Variants in FRMD6 observed in about 807,000 individuals in gnomAD.
The protein encoded by FRMD6 is FERM domain-containing protein 6.
Under a neutral mutation model 73.2 loss-of-function variants are expected in FRMD6, and 37 were observed. The observed-to-expected ratio is 0.51, with a 90% confidence interval of 0.39 to 0.66. The LOEUF (loss-of-function observed/expected upper bound fraction) is 0.66. Ranked by LOEUF, FRMD6 falls within the 30% of genes least tolerant of loss-of-function variation. The pLI is 0.00. For synonymous variants in FRMD6, 273 were observed against 282.2 expected (o/e 0.97, Z 0.33); for missense variants, 714 against 780.5 (o/e 0.91, Z 1.02).
At chr14:51,699,118 T>C (rs1211003422) in intron 3 of FRMD6, among the ~76,000 whole-genome samples, 2 of 152,080 alleles carry the variant, frequency 1.3e-5, no homozygotes, top group African/African-American at 2.4e-5. Flanking sequence ...CAGTATAAAG[T>C]TGGTCAGCTG....
the FRMD6 span, among the ~76,000 whole-genome samples, chr14:51,415,653 T>C: frequency 1.3e-5 from 2 of 152,236 alleles, no homozygotes; most frequent in African/African-American, 4.8e-5. Flanking sequence ...GGTATCAGGA[T>C]GATGCTGGCC....
chr14:51,707,768 A>C (rs1292699696), intron 6 of FRMD6, among the ~76,000 whole-genome samples: 1 of 152,174 alleles, frequency 6.6e-6, no homozygotes, highest in African/African-American at 2.4e-5. Context: ...TATGTGTACA[A>C]AATTATGAAA....
chr14:51,704,819 C>T lies in FRMD6; in HGVS notation c.442C>T (p.Arg148Ter), dbSNP rs771992156. 6.2e-7 allele frequency: 1 copy of T among 1,613,236 alleles called. No individual in the cohort carries two copies. The highest frequency in any genetic ancestry group is 8.5e-7 in the Non-Finnish European group (1 of 1,179,510). The change falls in exon 6 of 14, where the codon CGA becomes TGA. Residue 148 changes from arginine (R) to a stop codon, truncating the protein, a stop_gained. Coordinates refer to ENST00000344768, the MANE Select transcript of FRMD6 (RefSeq NM_001267046.2). LOFTEE classifies it high-confidence loss of function. ...KQVLHSQCVL[R>*]EEAYFLLAAF... ...AGTTCTTCATTCTCAGTGTGTGCTC[C>T]GAGAGGAGGCCTACTTCCTGCTGGC...
At chr14:51,471,347 A>AC in the FRMD6 span, among the ~76,000 whole-genome samples, 1 of 151,998 alleles carries the variant, frequency 6.6e-6, no homozygotes, top group African/African-American at 2.4e-5. Flanking sequence ...AACAACAACA[A>AC]AAAATTAGCC....
At chr14:51,571,869 C>T (rs746978545) in intron 2 of FRMD6, among the ~76,000 whole-genome samples, 10 of 152,114 alleles carry the variant, frequency 6.6e-5, no homozygotes, top group Non-Finnish European at 1.3e-4. Flanking sequence ...CTTATAAATT[C>T]AAAAAGGTTA....
chr14:51,622,594 G>C (rs968725925), intron 2 of FRMD6, among the ~76,000 whole-genome samples: 1 of 152,136 alleles, frequency 6.6e-6, no homozygotes, highest in Admixed American at 6.5e-5. Context: ...TCCTGCCCTA[G>C]AGCTTCACTC....
chr14:51,419,832 G>A, the FRMD6 span, among the ~76,000 whole-genome samples: 1 of 152,304 alleles, frequency 6.6e-6, no homozygotes, highest in East Asian at 1.9e-4. Context: ...GTACTCATGT[G>A]ACTTCCTTCC....
chr14:51,723,772 C>CAAAAAAAAAAAAAAA (rs71443192), intron 12 of FRMD6, among the ~76,000 whole-genome samples: 1 of 138,698 alleles, frequency 7.2e-6, no homozygotes, highest in South Asian at 2.3e-4. Flanking sequence ...GAGACTCTGT[C>CAAAAAAAAAAAAAAA]AAAAAAAAAA....
intron 2 of FRMD6, chr14:51,579,030 G>A (rs1252750111): frequency 6.6e-6 from 1 of 152,188 alleles, no homozygotes; most frequent in Non-Finnish European, 1.5e-5. Context: ...GCTCTAAAGA[G>A]GAAGAGATCT....
chr14:51,561,455 C>T (rs1029071028), intron 1 of FRMD6, among the ~76,000 whole-genome samples: 1 of 152,204 alleles, frequency 6.6e-6, no homozygotes, highest in Non-Finnish European at 1.5e-5. Context: ...GTATTGTGAA[C>T]TACCAGTGCT....
At chr14:51,444,556 T>A in the FRMD6 span, among the ~76,000 whole-genome samples, 2 of 152,186 alleles carry the variant, frequency 1.3e-5, no homozygotes, top group African/African-American at 4.8e-5. Context: ...ATTCTTGTGG[T>A]GCTGATGAAA....
the FRMD6 span, among the ~76,000 whole-genome samples, chr14:51,458,972 C>T: frequency 6.6e-6 from 1 of 152,206 alleles, no homozygotes; most frequent in African/African-American, 2.4e-5. Flanking sequence ...GCAGAGATGG[C>T]AGAGGTTGTC....
chr14:51,728,037 C>T lies in FRMD6; in HGVS notation c.*8C>T. 6.3e-7 allele frequency: 1 copy of T among 1,598,862 alleles called. No homozygotes were observed. The highest frequency in any genetic ancestry group is 8.6e-7 in the Non-Finnish European group (1 of 1,168,874). On this transcript the variant is annotated 3_prime_UTR_variant, in exon 14 of 14. Transcript: ENST00000344768. ...CCAGAGTTTGTTGTGTAAAGTCCGTCTGTGTGCAGCTGTACAGGCAGCTTA... is the reference window on the plus strand; with the variant it reads ...CCAGAGTTTGTTGTGTAAAGTCCGTTTGTGTGCAGCTGTACAGGCAGCTTA...
the FRMD6 span, among the ~76,000 whole-genome samples, chr14:51,423,243 C>T: frequency 2.6e-5 from 4 of 152,272 alleles, no homozygotes; most frequent in East Asian, 7.7e-4. Context: ...CATTTCCTTC[C>T]CCACATCTCA....
chr14:51,617,567 G>A (rs1890763746), intron 2 of FRMD6, among the ~76,000 whole-genome samples: 1 of 152,042 alleles, frequency 6.6e-6, no homozygotes, highest in African/African-American at 2.4e-5. Context: ...TGAGACCTTG[G>A]GCAAATTACC....
chr14:51,719,998 A>C, intron 10 of FRMD6, 57 bp from the exon 11 acceptor site: 2 of 1,374,940 alleles, frequency 1.5e-6, no homozygotes, highest in South Asian at 2.7e-5. Flanking sequence ...TGAGTCACTT[A>C]AGCTCACCAG....
chr14:51,615,268 T>C (rs1956577), intron 2 of FRMD6, among the ~76,000 whole-genome samples: 3,203 of 152,306 alleles, frequency 0.021, 126 homozygotes, highest in African/African-American at 0.074. Context: ...TTTTAATTTC[T>C]AAAACTGTAT....
intron 1 of FRMD6, among the ~76,000 whole-genome samples, chr14:51,520,752 G>A (rs1357432075): frequency 6.6e-6 from 1 of 151,772 alleles, no homozygotes; most frequent in Non-Finnish European, 1.5e-5. Context: ...TCAAAAATTA[G>A]CCAAAAATTA....
chr14:51,566,817 T>G (rs948905231), intron 1 of FRMD6, among the ~76,000 whole-genome samples: 3 of 152,266 alleles, frequency 2.0e-5, no homozygotes, highest in African/African-American at 7.2e-5. Flanking sequence ...GAACAAAGTT[T>G]TGTAAAGTAT....
Sources: allele counts gnomAD v4.1 joint callset (sites outside exome capture counted in the v4.1 genomes callset), GRCh38; gene constraint gnomAD v4.1.1; transcripts MANE v1.5; gene names NCBI Gene and HGNC (gene_info 2026-07-23, HGNC 2026-07-21).